The following LCOR variants were observed in gnomAD, a reference collection of about 807,000 sequenced individuals.
LCOR encodes ligand-dependent corepressor.
LCOR carries 14 observed loss-of-function variants against 64.4 expected under a neutral mutation model. The observed-to-expected ratio is 0.22, with a 90% CI of 0.14 to 0.34. The LOEUF (loss-of-function observed/expected upper bound fraction) is 0.34. Among genes scored for constraint, LCOR ranks in the 10% least tolerant of loss-of-function variants. The pLI is 1.00. For missense variants in LCOR, 1,686 were observed against 1,765.3 expected (o/e 0.96, Z 0.80); for synonymous variants, 643 against 642.5 (o/e 1.00, Z -0.01).
At chr10:96,877,523 CA>C (rs1278764555) in intron 2 of LCOR, among the ~76,000 whole-genome samples, 5 of 144,414 alleles carry the variant, frequency 3.5e-5, no homozygotes, top group Non-Finnish European at 7.5e-5. Flanking sequence ...GATCCTGTCT[CA>C]AAAAAATAAG....
chr10:96,833,376 T>A, intron 1 of LCOR, 30 bp from the exon 2 acceptor site: 8 of 984,210 alleles, frequency 8.1e-6, no homozygotes, highest in Non-Finnish European at 8.4e-6. Flanking sequence ...CCTCTCACAC[T>A]GTGTGTTTTG....
chr10:96,833,369 C>T (rs764859319), intron 1 of LCOR, 37 bp from the exon 2 acceptor site: 16 of 983,824 alleles, frequency 1.6e-5, no homozygotes, highest in Non-Finnish European at 1.9e-5. Context: ...AGCTGCGCCT[C>T]TCACACTGTG....
intron 4 of LCOR, among the ~76,000 whole-genome samples, chr10:96,938,617 G>C (rs972083714): frequency 6.6e-6 from 1 of 152,052 alleles, no homozygotes; most frequent in African/African-American, 2.4e-5. Flanking sequence ...CAGATGACAT[G>C]ATGATGTATA....
chr10:96,916,607 C>CTATATATCTATATATATATATATATATA (rs1564624766), intron 4 of LCOR, among the ~76,000 whole-genome samples: 1 of 140,744 alleles, frequency 7.1e-6, no homozygotes, highest in African/African-American at 2.7e-5. Flanking sequence ...ATATATATAT[C>CTATATATCTATATATATATATATATATA]TATATATATG....
At chr10:96,873,155 A>G (rs1451376634) in intron 2 of LCOR, among the ~76,000 whole-genome samples, 1 of 152,180 alleles carries the variant, frequency 6.6e-6, no homozygotes, top group African/African-American at 2.4e-5. Flanking sequence ...TTTAAATATT[A>G]ATTTTGATTC....
chr10:96,970,619 AT>A, intron 7 of LCOR, among the ~76,000 whole-genome samples: 1 of 144,162 alleles, frequency 6.9e-6, no homozygotes, highest in Non-Finnish European at 1.5e-5. Context: ...ATTTTATTTT[AT>A]TTTATTTATT....
chr10:96,916,378 T>TA (rs1846944675), intron 4 of LCOR, among the ~76,000 whole-genome samples: 1 of 151,952 alleles, frequency 6.6e-6, no homozygotes, highest in Non-Finnish European at 1.5e-5. Flanking sequence ...ATCTAGTTGT[T>TA]ACTTTTATAT....
chr10:96,864,352 T>C (rs1845935622), intron 2 of LCOR, among the ~76,000 whole-genome samples: 1 of 152,236 alleles, frequency 6.6e-6, no homozygotes, highest in South Asian at 2.1e-4. Context: ...TTTCAGTTGA[T>C]TTTTCAAACA....
chr10:96,928,749 G>T (rs926094775), intron 4 of LCOR, among the ~76,000 whole-genome samples: 1 of 152,122 alleles, frequency 6.6e-6, no homozygotes, highest in Non-Finnish European at 1.5e-5. Flanking sequence ...ACCAGCTATG[G>T]CAGCTATAAC....
chr10:96,942,985 G>T (rs1450397334), intron 4 of LCOR, among the ~76,000 whole-genome samples: 2 of 152,158 alleles, frequency 1.3e-5, no homozygotes, highest in Non-Finnish European at 1.5e-5. Flanking sequence ...TAGGTGCAAG[G>T]TATTGCCAAC....
chr10:96,877,656 C>T (rs751870259), intron 2 of LCOR, among the ~76,000 whole-genome samples: 26 of 127,582 alleles, frequency 2.0e-4, no homozygotes, highest in Non-Finnish European at 3.6e-4. Flanking sequence ...CTGTCACCCA[C>T]GCTGGAGTGC....
Position 96,984,656 on chromosome 10 carries a change from G to A in LCOR, c.4196G>A (p.Arg1399His), listed in dbSNP as rs370886641. Residue 1399 changes from arginine to histidine, a missense_variant, in exon 8 of 8, where the codon CGC (arginine) becomes CAC (histidine). Physicochemically the swap from Arg to His is conservative, Grantham distance 29. Transcript: ENST00000421806. The part of the protein sequence containing the change: ...ILPKAEVQSK[R>H]KRTEGSSPPD... ...CCTAAAGCAGAAGTTCAGAGTAAACGCAAGAGAACAGAAGGCAGCAGCCCT... is the reference window on the plus strand; with the variant it reads ...CCTAAAGCAGAAGTTCAGAGTAAACACAAGAGAACAGAAGGCAGCAGCCCT... The A allele has an allele frequency of 5.0e-6, 8 of 1,614,028 alleles. No homozygotes were observed. In the African/African-American group the frequency reaches 8.0e-5, roughly 16 times the overall value.
rs143036925 is a variant in LCOR at position 96,952,170 on chromosome 10, A to G, written c.306A>G (p.Pro102=). The G allele has an allele frequency of 6.2e-7, 1 of 1,613,722 alleles. No homozygotes were observed. The highest frequency in any genetic ancestry group is 1.3e-5 in the African/African-American group (1 of 74,916). The change falls in exon 7 of 8, where the codon CCA becomes CCG. Residue 102 remains proline, a synonymous_variant. Transcript: ENST00000421806. ...GCAGCACTTCCCTGAGCCACTCTCCAGGCTGCTCCAGTACTCAAGGGAACG... is the reference window on the plus strand; with the variant it reads ...GCAGCACTTCCCTGAGCCACTCTCCGGGCTGCTCCAGTACTCAAGGGAACG... ...CAGSTSLSHS[P]GCSSTQGNGE...
Position 96,988,930 on chromosome 10 carries a change from C to A in LCOR, c.*3796C>A, listed in dbSNP as rs868496318. The A allele has an allele frequency of 1.3e-5, 2 of 152,320 alleles. No individual in the cohort carries two copies. Among genetic ancestry groups the A allele is most frequent in the South Asian group, 4.1e-4 (2 of 4,824 alleles). 9.4% of individuals were successfully genotyped at this position (152,320 alleles called of 1,614,324 possible). A position where few individuals can be genotyped will look rare whatever the true frequency, so the allele number is the denominator to read the frequency against. ...GAGTTGAGTAGCTGCGGCAGAGACC[C>A]GTGTGGCCCTTACAGCCTAAGATAC... On this transcript the variant is annotated 3_prime_UTR_variant, in exon 8 of 8. Transcript: ENST00000421806.
At chr10:96,839,897 A>G (rs1472799993) in intron 2 of LCOR, among the ~76,000 whole-genome samples, 2 of 152,218 alleles carry the variant, frequency 1.3e-5, no homozygotes, top group African/African-American at 4.8e-5. Flanking sequence ...CCTTTTGGCC[A>G]GGCTGGTCTC....
At chr10:96,924,059 T>C (rs1847125832) in intron 4 of LCOR, among the ~76,000 whole-genome samples, 1 of 152,212 alleles carries the variant, frequency 6.6e-6, no homozygotes, top group Admixed American at 6.5e-5. Flanking sequence ...TTTTATTCTC[T>C]TTCTCTTCAT....
At chr10:96,907,773 T>C in intron 4 of LCOR, 26 bp downstream of exon 4, 2 of 758,270 alleles carry the variant, frequency 2.6e-6, no homozygotes, top group Non-Finnish European at 1.6e-6. Flanking sequence ...GTGAAACTTT[T>C]ATTTAGTGTA....
At chr10:96,951,455 A>G (rs1276739918) in intron 6 of LCOR, among the ~76,000 whole-genome samples, 1 of 152,134 alleles carries the variant, frequency 6.6e-6, no homozygotes, top group Non-Finnish European at 1.5e-5. Context: ...GAATCTCTGC[A>G]AAATTTTTTT....
At chr10:96,914,130 C>T (rs1846895656) in intron 4 of LCOR, among the ~76,000 whole-genome samples, 1 of 152,164 alleles carries the variant, frequency 6.6e-6, no homozygotes, top group Admixed American at 6.5e-5. Context: ...CTGAATGTTT[C>T]TTAATTTCTT....
Sources: gnomAD v4.1 joint callset for allele counts (sites outside exome capture counted in the v4.1 genomes callset) on GRCh38, gnomAD v4.1.1 for gene constraint, MANE v1.5 for transcripts, NCBI Gene and HGNC (gene_info 2026-07-23, HGNC 2026-07-21) for gene names.